Variants in LRRC4C observed in about 807,000 individuals in gnomAD.
The protein encoded by LRRC4C is leucine-rich repeat-containing protein 4C.
LRRC4C carries 5 observed loss-of-function variants against 33.6 expected under a neutral mutation model. The observed-to-expected ratio is 0.15, with a 90% CI of 0.08 to 0.31. The LOEUF (loss-of-function observed/expected upper bound fraction) is 0.31, where lower values mean the gene tolerates loss of function less well. LRRC4C is among the 10% of genes least tolerant of loss of function. LRRC4C has a pLI of 1.00. For missense variants in LRRC4C, 560 were observed against 796.7 expected (o/e 0.70, Z 3.58); for synonymous variants, 329 against 302.0 (o/e 1.09, Z -0.93).
At chr11:40,870,990 G>C (rs1309151355) in intron 2 of LRRC4C, among the ~76,000 whole-genome samples, 1 of 152,168 alleles carries the variant, frequency 6.6e-6, no homozygotes, top group African/African-American at 2.4e-5. Context: ...GGTAGCCTCT[G>C]AAATGGCCAC....
intron 2 of LRRC4C, among the ~76,000 whole-genome samples, chr11:40,696,680 A>G (rs1945552767): frequency 6.8e-6 from 1 of 148,006 alleles, no homozygotes; most frequent in Admixed American, 6.8e-5. Flanking sequence ...AGCCAATAAA[A>G]CACAGGCAAT....
chr11:41,221,515 A>T (rs1023062367), intron 1 of LRRC4C, among the ~76,000 whole-genome samples: 1 of 152,320 alleles, frequency 6.6e-6, no homozygotes, highest in Non-Finnish European at 1.5e-5. Context: ...ACATAAAGAC[A>T]TAAATACCAT....
At chr11:41,359,987 G>A (rs561039438) in intron 1 of LRRC4C, among the ~76,000 whole-genome samples, 357 of 152,146 alleles carry the variant, frequency 2.3e-3, no homozygotes, top group African/African-American at 8.1e-3. Flanking sequence ...GTTTGAGCCC[G>A]GCCTGACCAA....
At chr11:40,659,334 C>T (rs896174705) in intron 2 of LRRC4C, among the ~76,000 whole-genome samples, 2 of 152,150 alleles carry the variant, frequency 1.3e-5, no homozygotes, top group Admixed American at 1.3e-4. Flanking sequence ...CTGTGGATGG[C>T]ATGTTGATGG....
At chr11:41,303,968 C>G (rs1329807347) in intron 1 of LRRC4C, among the ~76,000 whole-genome samples, 2 of 93,560 alleles carry the variant, frequency 2.1e-5, no homozygotes, top group African/African-American at 6.4e-5. Flanking sequence ...CGTCTCCGCC[C>G]GGCAGCCACC....
chr11:41,270,325 A>G (rs912546624), intron 1 of LRRC4C, among the ~76,000 whole-genome samples: 5 of 152,154 alleles, frequency 3.3e-5, no homozygotes. Context: ...TTTATATTAA[A>G]GAAGGTTCCT....
At chr11:40,372,920 T>C (rs571702846) in intron 3 of LRRC4C, among the ~76,000 whole-genome samples, 12 of 152,286 alleles carry the variant, frequency 7.9e-5, no homozygotes, top group Admixed American at 7.8e-4. Context: ...CCAGATAATT[T>C]GGGATTTTTT....
At chr11:40,572,615 G>A (rs1343271460) in intron 3 of LRRC4C, among the ~76,000 whole-genome samples, 1 of 152,038 alleles carries the variant, frequency 6.6e-6, no homozygotes. Context: ...ACAGGGCAGG[G>A]GCCTGGTTTA....
intron 3 of LRRC4C, among the ~76,000 whole-genome samples, chr11:40,520,645 C>T (rs1955771336): frequency 6.6e-6 from 1 of 151,944 alleles, no homozygotes; most frequent in South Asian, 2.1e-4. Context: ...AGCACCATAA[C>T]AGATATAATG....
chr11:41,419,764 C>T (rs1157615769), intron 1 of LRRC4C, among the ~76,000 whole-genome samples: 1 of 151,822 alleles, frequency 6.6e-6, no homozygotes, highest in African/African-American at 2.4e-5. Context: ...AAAATGGAAA[C>T]ACAGAGGTAA....
rs1438502247 is a variant in LRRC4C, at chr11:40,172,892, G to T, written c.-95-32039C>A. Among the ~76,000 whole-genome samples the T allele has an allele frequency of 1.8e-4, 27 of 152,114 alleles. 1 individual carries two copies. Among genetic ancestry groups the T allele is most frequent in the Non-Finnish European group, 4.0e-4 (27 of 68,024 alleles). The stretch of plus-strand genomic sequence containing the variant: ...ATAGAAGTAATCAGGTTAAAATTTG[G>T]TTATTAGGGTAGGCTGTAATCAAAA... On this transcript the variant is annotated intron_variant, in intron 5 of 6. Coordinates refer to ENST00000528697, the MANE Select transcript of LRRC4C (RefSeq NM_001258419.2).
chr11:40,832,826 T>C (rs921907652), intron 2 of LRRC4C, among the ~76,000 whole-genome samples: 1 of 152,144 alleles, frequency 6.6e-6, no homozygotes, highest in East Asian at 1.9e-4. Flanking sequence ...AGTAAAACAA[T>C]TTGGCACATT....
At chr11:40,487,468 A>G (rs1953921181) in intron 3 of LRRC4C, among the ~76,000 whole-genome samples, 1 of 152,092 alleles carries the variant, frequency 6.6e-6, no homozygotes, top group Non-Finnish European at 1.5e-5. Flanking sequence ...ATGTGATTGA[A>G]TCAATACTTT....
At chr11:40,611,587 T>C (rs1352259176) in intron 3 of LRRC4C, among the ~76,000 whole-genome samples, 2 of 151,684 alleles carry the variant, frequency 1.3e-5, no homozygotes, top group Non-Finnish European at 3.0e-5. Flanking sequence ...ACATATAATA[T>C]TGGAGATAAT....
rs372089619 is a variant in LRRC4C at position 41,337,189 on chromosome 11, T to C, written c.-496+122242A>G. 6.2e-4 allele frequency among the ~76,000 whole-genome samples: 94 copies of C among 152,066 alleles called. 2 individuals are homozygous for C. The South Asian group carries it at 0.019, about 30-fold the overall frequency. On this transcript the variant is annotated intron_variant, in intron 1 of 6. Transcript: ENST00000528697. Reference sequence around the variant, plus strand: ...CCTTCCAAGTAGCTGGCACCACAGGTATGTGCTACCATGCCCAGCGAACTA... The same window carrying C: ...CCTTCCAAGTAGCTGGCACCACAGGCATGTGCTACCATGCCCAGCGAACTA...
chr11:40,300,709 C>T (rs1044659532), intron 4 of LRRC4C, among the ~76,000 whole-genome samples: 1 of 152,194 alleles, frequency 6.6e-6, no homozygotes, highest in African/African-American at 2.4e-5. Flanking sequence ...CTAATACAAT[C>T]CTAATACAAT....
intron 3 of LRRC4C, among the ~76,000 whole-genome samples, chr11:40,601,546 G>T (rs1959993102): frequency 6.6e-6 from 1 of 152,186 alleles, no homozygotes; most frequent in Non-Finnish European, 1.5e-5. Context: ...GTGGCCAGGT[G>T]ATTACTGATG....
At chr11:40,664,986 C>T (rs2136230790) in intron 2 of LRRC4C, among the ~76,000 whole-genome samples, 1 of 146,862 alleles carries the variant, frequency 6.8e-6, no homozygotes, top group South Asian at 2.3e-4. Flanking sequence ...CAAGTGATCT[C>T]ATTGTTCAAT....
intron 1 of LRRC4C, among the ~76,000 whole-genome samples, chr11:41,452,118 C>T (rs1161446518): frequency 1.3e-5 from 2 of 152,024 alleles, no homozygotes; most frequent in African/African-American, 4.8e-5. Flanking sequence ...TTCTTTACTT[C>T]TTCCATTTGG....
Sources: gnomAD v4.1 joint callset for allele counts (sites outside exome capture counted in the v4.1 genomes callset) on GRCh38, gnomAD v4.1.1 for gene constraint, MANE v1.5 for transcripts, NCBI Gene and HGNC (gene_info 2026-07-23, HGNC 2026-07-21) for gene names.